Variants in PHLPP1 observed in about 807,000 individuals in gnomAD.
PHLPP1 encodes the protein PH domain and leucine rich repeat protein phosphatase 1.
In PHLPP1, 42 loss-of-function variants were observed where a neutral mutation model predicts 117.2. The observed-to-expected ratio is 0.36, with a 90% CI of 0.28 to 0.46. PHLPP1 has a LOEUF of 0.46. Ranked by LOEUF, PHLPP1 falls within the 20% of genes least tolerant of loss-of-function variation. The pLI, the probability that PHLPP1 is intolerant of heterozygous loss-of-function variation, is 1.00. For missense variants in PHLPP1, 2,084 were observed against 2,241.9 expected (o/e 0.93, Z 1.42); for synonymous variants, 1,042 against 970.7 (o/e 1.07, Z -1.37).
chr18:62,931,599 C>CA (rs35511144), intron 10 of PHLPP1, among the ~76,000 whole-genome samples: 80,720 of 141,406 alleles, frequency 0.57, 22,666 homozygotes, highest in Non-Finnish European at 0.63. Context: ...GCTAGATTAA[C>CA]AAAAAAAAAA....
intron 1 of PHLPP1, among the ~76,000 whole-genome samples, chr18:62,771,784 A>T (rs771687370): frequency 6.6e-6 from 1 of 152,172 alleles, no homozygotes; most frequent in Non-Finnish European, 1.5e-5. Flanking sequence ...GATATGATTG[A>T]TACCTTCTTC....
intron 1 of PHLPP1, among the ~76,000 whole-genome samples, chr18:62,785,835 GAGTGGTA>G (rs1913267478): frequency 6.6e-6 from 1 of 152,346 alleles, no homozygotes; most frequent in East Asian, 1.9e-4. Flanking sequence ...GCAGGGGGAA[GAGTGGTA>G]AGCTGAACTG....
intron 12 of PHLPP1, among the ~76,000 whole-genome samples, chr18:62,945,795 A>G (rs756035778): frequency 6.6e-6 from 1 of 152,216 alleles, no homozygotes; most frequent in African/African-American, 2.4e-5. Flanking sequence ...GGCAGAGCAG[A>G]TATTATTGTC....
At chr18:62,857,351 C>G (rs1265998369) in intron 3 of PHLPP1, among the ~76,000 whole-genome samples, 2 of 152,190 alleles carry the variant, frequency 1.3e-5, no homozygotes. Flanking sequence ...CAGATTGATA[C>G]ATATGGATCT....
At chr18:62,819,278 G>A (rs185887288) in intron 1 of PHLPP1, among the ~76,000 whole-genome samples, 278 of 152,304 alleles carry the variant, frequency 1.8e-3, no homozygotes, top group African/African-American at 6.5e-3. Flanking sequence ...TTGTTGTAGT[G>A]TACTACTTAT....
intron 1 of PHLPP1, among the ~76,000 whole-genome samples, chr18:62,760,289 G>A (rs917887999): frequency 6.6e-6 from 1 of 152,112 alleles, no homozygotes; most frequent in Non-Finnish European, 1.5e-5. Flanking sequence ...ACATACACAT[G>A]GTCTCCTGTT....
chr18:62,873,707 A>G (rs571781836), intron 4 of PHLPP1, among the ~76,000 whole-genome samples: 10 of 152,328 alleles, frequency 6.6e-5, no homozygotes, highest in African/African-American at 2.2e-4. Context: ...AATCATGTAC[A>G]GTAACTCCTC....
chr18:62,849,830 A>ATATATATATATAT (rs1465429883), intron 3 of PHLPP1, among the ~76,000 whole-genome samples: 4 of 21,208 alleles, frequency 1.9e-4, no homozygotes, highest in African/African-American at 5.5e-4. Flanking sequence ...AAAAAAAAAA[A>ATATATATATATAT]AAATATATAT....
At chr18:62,815,163 C>CTTTTTTTTTTTTCCTCT (rs1914233214) in intron 1 of PHLPP1, among the ~76,000 whole-genome samples, 8 of 136,870 alleles carry the variant, frequency 5.8e-5, no homozygotes, top group Non-Finnish European at 1.1e-4. Flanking sequence ...TTTTTTTCCT[C>CTTTTTTTTTTTTCCTCT]TTTTTTTTTT....
At chr18:62,924,327 C>T (rs887631738) in intron 10 of PHLPP1, among the ~76,000 whole-genome samples, 5 of 151,882 alleles carry the variant, frequency 3.3e-5, no homozygotes, top group Non-Finnish European at 5.9e-5. Context: ...TTCTGTGTTT[C>T]GTTATATAAC....
rs1911318818 is a variant in PHLPP1 at position 62,979,636 on chromosome 18, A to G, written c.*205A>G. Reference sequence around the variant, plus strand: ...ACTTTCTTCTAGTGATGCTTTACCAATATGATTTACATTTGTTAACTTCTC... The same window carrying G: ...ACTTTCTTCTAGTGATGCTTTACCAGTATGATTTACATTTGTTAACTTCTC... On this transcript the variant is annotated 3_prime_UTR_variant, in exon 17 of 17. Transcript: ENST00000262719. 3 of 594,724 alleles carry G rather than the reference A, an allele frequency of 5.0e-6. No individual in the cohort carries two copies. Among genetic ancestry groups the G allele is most frequent in the South Asian group, 2.1e-5 (1 of 46,670 alleles). The allele number at this position is 594,724 out of a possible 1,614,324, so 36.8% of individuals were successfully genotyped here.
In PHLPP1 at chr18:62,978,781, G is replaced by T. The variant is rs1363996637; in HGVS notation, c.4504G>T (p.Ala1502Ser). The T allele has an allele frequency of 6.2e-7, 1 of 1,612,688 alleles. No individual in the cohort carries two copies. The highest frequency in any genetic ancestry group is 1.7e-5 in the Admixed American group (1 of 59,890). Reference protein sequence around the residue: ...STASDEPPPGALSENSPAYPS... With the variant: ...STASDEPPPGSLSENSPAYPS... ...AGCCTCCGATGAGCCCCCGCCCGGA[G>T]CCCTAAGCGAGAACAGCCCTGCCTA... is the stretch of plus-strand genomic sequence containing the variant. The change falls in exon 17 of 17, where the codon GCC (alanine) becomes TCC (serine). Residue 1502 changes from alanine to serine, a missense_variant. By Grantham distance (99) the Ala-to-Ser change is moderately conservative. Coordinates refer to ENST00000262719, the MANE Select transcript of PHLPP1 (RefSeq NM_194449.4). The surrounding 1 kb of genome is among the most constrained non-coding windows in gnomAD (Gnocchi z 7.0).
intron 10 of PHLPP1, among the ~76,000 whole-genome samples, chr18:62,933,252 G>GA (rs1402112929): frequency 6.6e-6 from 1 of 151,886 alleles, no homozygotes; most frequent in Non-Finnish European, 1.5e-5. Context: ...CATGAAATTA[G>GA]AAAAAAATTA....
chr18:62,885,036 A>T (rs977908785), intron 4 of PHLPP1, among the ~76,000 whole-genome samples: 8 of 152,248 alleles, frequency 5.3e-5, no homozygotes, highest in Non-Finnish European at 4.4e-5. Context: ...ACAAGCATAT[A>T]TAGCCATTCC....
rs139726862 is a variant in PHLPP1, at chr18:62,949,472, A to G, written c.3324+4201A>G. 1.4e-4 allele frequency among the ~76,000 whole-genome samples: 21 copies of G among 152,342 alleles called. No homozygotes were observed. The East Asian group carries it at 4.0e-3, about 29-fold the overall frequency. On this transcript the variant is annotated intron_variant, in intron 12 of 16. Coordinates refer to ENST00000262719, the MANE Select transcript of PHLPP1 (RefSeq NM_194449.4). ...CATTTTTTTCATTTTGATAATATCT[A>G]ATGAGATCTGTAAAGTGATCATCAG...
intron 1 of PHLPP1, among the ~76,000 whole-genome samples, chr18:62,761,998 A>G (rs1341129680): frequency 2.0e-5 from 3 of 152,220 alleles, no homozygotes; most frequent in Non-Finnish European, 4.4e-5. Context: ...CTTAAACCTA[A>G]TGAAGATCTA....
At chr18:62,774,741 G>A (rs933598164) in intron 1 of PHLPP1, among the ~76,000 whole-genome samples, 2 of 151,746 alleles carry the variant, frequency 1.3e-5, no homozygotes, top group South Asian at 4.2e-4. Flanking sequence ...CAACATTGTG[G>A]GCTCATTCTT....
At chr18:62,746,425 C>T (rs1009666935) in intron 1 of PHLPP1, among the ~76,000 whole-genome samples, 2 of 152,148 alleles carry the variant, frequency 1.3e-5, no homozygotes, top group African/African-American at 2.4e-5. Context: ...GGACTTACTT[C>T]GGCAATTTGC....
chr18:62,974,289 TCTTATTTTCC>T (rs1911129666), intron 15 of PHLPP1, among the ~76,000 whole-genome samples: 1 of 152,196 alleles, frequency 6.6e-6, no homozygotes. Context: ...TTTGTATGTC[TCTTATTTTCC>T]CTATCTGTTA....
Sources: allele counts gnomAD v4.1 joint callset (sites outside exome capture counted in the v4.1 genomes callset), GRCh38; gene constraint gnomAD v4.1.1; non-coding constraint Gnocchi (gnomAD v3.1); transcripts MANE v1.5; gene names NCBI Gene and HGNC (gene_info 2026-07-23, HGNC 2026-07-21).